MAP2K1: variants seen among roughly 807,000 people sequenced by gnomAD.
The protein encoded by MAP2K1 is dual specificity mitogen-activated protein kinase kinase 1.
MAP2K1 carries 16 observed loss-of-function variants against 46.3 expected under a neutral mutation model. The observed-to-expected ratio is 0.35, with a 90% CI of 0.23 to 0.52. The LOEUF (loss-of-function observed/expected upper bound fraction) is 0.52, where lower values mean the gene tolerates loss of function less well. MAP2K1 is among the 20% of genes least tolerant of loss of function. The pLI is 0.94. For synonymous variants in MAP2K1, 183 were observed against 185.6 expected (o/e 0.99, Z 0.11); for missense variants, 263 against 497.1 (o/e 0.53, Z 4.48).
rs143830560 is a variant in MAP2K1 at position 66,469,723 on chromosome 15, C to CACACACACACACAT, written c.569-12031_569-12030insCACACACACACATA. Among the ~76,000 whole-genome samples the CACACACACACACAT allele has an allele frequency of 7.5e-3, 1,008 of 134,310 alleles. 34 individuals carry two copies. The highest frequency in any genetic ancestry group is 0.011 in the Non-Finnish European group (725 of 63,122). 88.1% of individuals were successfully genotyped at this position (134,310 alleles called of 152,430 possible). On this transcript the variant is annotated intron_variant, in intron 5 of 10. Transcript: ENST00000307102. ...ACACACACACACACACACACACACA[C>CACACACACACACAT]ATATCGGATGTTAGCTTTTAATTAA... is the stretch of plus-strand genomic sequence containing the variant.
chr15:66,426,998 C>G (rs2093460958), intron 1 of MAP2K1, among the ~76,000 whole-genome samples: 2 of 152,160 alleles, frequency 1.3e-5, no homozygotes, highest in South Asian at 2.1e-4. Context: ...TGACGATGAT[C>G]TCATTTTGTT....
intron 1 of MAP2K1, among the ~76,000 whole-genome samples, chr15:66,426,142 CTTTTTT>C (rs57873985): frequency 2.8e-4 from 41 of 145,510 alleles, no homozygotes; most frequent in African/African-American, 8.3e-4. Context: ...AGTGTTTTTT[CTTTTTT>C]TTTTTTTTTT....
At chr15:66,439,478 C>T (rs750765698) in intron 3 of MAP2K1, among the ~76,000 whole-genome samples, 7 of 151,766 alleles carry the variant, frequency 4.6e-5, no homozygotes, top group South Asian at 2.1e-4. Flanking sequence ...TTAAAAATTA[C>T]GAAAATGGCC....
At chr15:66,423,190 G>A (rs1275575683) in intron 1 of MAP2K1, among the ~76,000 whole-genome samples, 2 of 152,098 alleles carry the variant, frequency 1.3e-5, no homozygotes, top group Non-Finnish European at 2.9e-5. Context: ...GTTGACCTCT[G>A]ATGCCACGTT....
intron 1 of MAP2K1, among the ~76,000 whole-genome samples, chr15:66,420,831 GTATA>G (rs1330919375): frequency 9.6e-6 from 1 of 104,154 alleles, no homozygotes; most frequent in Non-Finnish European, 2.0e-5. Flanking sequence ...ATATATATGT[GTATA>G]TATATGTGTG....
intron 5 of MAP2K1, among the ~76,000 whole-genome samples, chr15:66,459,479 A>ATGG (rs1461005000): frequency 6.7e-6 from 1 of 149,262 alleles, no homozygotes; most frequent in Non-Finnish European, 1.5e-5. Context: ...TTAGCCTGGC[A>ATGG]TGGTGGCGGG....
chr15:66,455,899 G>T (rs1206138485), intron 5 of MAP2K1, among the ~76,000 whole-genome samples: 1 of 152,174 alleles, frequency 6.6e-6, no homozygotes, highest in Non-Finnish European at 1.5e-5. Context: ...TGTTCAAAGG[G>T]AGAAACAATC....
intron 5 of MAP2K1, among the ~76,000 whole-genome samples, chr15:66,459,640 T>G (rs916190296): frequency 6.6e-6 from 1 of 151,934 alleles, no homozygotes; most frequent in East Asian, 1.9e-4. Flanking sequence ...AAATTTTTTT[T>G]GTATCCTTTT....
chr15:66,398,086 A>C (rs920866214), intron 1 of MAP2K1, among the ~76,000 whole-genome samples: 1 of 149,832 alleles, frequency 6.7e-6, no homozygotes, highest in Admixed American at 6.7e-5. Context: ...TGGGTGACAG[A>C]GTGAGATTCC....
At chr15:66,426,314 T>C (rs1345407610) in intron 1 of MAP2K1, among the ~76,000 whole-genome samples, 1 of 149,044 alleles carries the variant, frequency 6.7e-6, no homozygotes, top group African/African-American at 2.5e-5. Context: ...ACCCAGGACT[T>C]GCCTGTTCCA....
chr15:66,436,502 C>T (rs2093488394), intron 2 of MAP2K1, among the ~76,000 whole-genome samples: 1 of 152,194 alleles, frequency 6.6e-6, no homozygotes, highest in South Asian at 2.1e-4. Context: ...AGTAAGCCCT[C>T]CCTTAACTTT....
intron 5 of MAP2K1, among the ~76,000 whole-genome samples, chr15:66,458,980 C>T (rs1342624406): frequency 6.6e-6 from 1 of 152,110 alleles, no homozygotes; most frequent in Non-Finnish European, 1.5e-5. Context: ...ACGGGGCTCT[C>T]AGGTCAGAAT....
chr15:66,410,376 G>C (rs959954293), intron 1 of MAP2K1, among the ~76,000 whole-genome samples: 1 of 152,182 alleles, frequency 6.6e-6, no homozygotes, highest in African/African-American at 2.4e-5. Flanking sequence ...GGGGTTAACT[G>C]TGTGGGTTTG....
At chr15:66,454,622 T>C (rs1054253219) in intron 5 of MAP2K1, among the ~76,000 whole-genome samples, 3 of 152,152 alleles carry the variant, frequency 2.0e-5, no homozygotes, top group Non-Finnish European at 4.4e-5. Flanking sequence ...CGGTGGCTCA[T>C]ACCTGTAATC....
intron 5 of MAP2K1, among the ~76,000 whole-genome samples, chr15:66,452,301 AAAG>A (rs1174798028): frequency 4.8e-4 from 11 of 22,698 alleles, no homozygotes; most frequent in Non-Finnish European, 1.1e-3. Flanking sequence ...AAAAAAAAAA[AAAG>A]AAAAAAAAAA....
intron 1 of MAP2K1, among the ~76,000 whole-genome samples, chr15:66,430,164 T>C (rs1401720935): frequency 2.0e-5 from 3 of 152,182 alleles, no homozygotes; most frequent in Non-Finnish European, 4.4e-5. Context: ...TGGTCTCTCT[T>C]ACCTTGGGTC....
At position 66,387,412 on chromosome 15, in the gene MAP2K1, G is replaced by A; in HGVS notation, c.65G>A (p.Gly22Glu). The A allele has an allele frequency of 5.1e-6, 8 of 1,560,806 alleles. No homozygotes were observed. Among genetic ancestry groups the A allele is most frequent in the Non-Finnish European group, 6.9e-6 (8 of 1,151,746 alleles). ...GCCCCCGACGGCTCTGCAGTTAACGGGACCAGCTCTGCGGAGTAAGTATGG... is the reference window on the plus strand; with the variant it reads ...GCCCCCGACGGCTCTGCAGTTAACGAGACCAGCTCTGCGGAGTAAGTATGG... ...NPAPDGSAVN[G>E]TSSAETNLEA... is the part of the protein sequence containing the mutation. The change falls in exon 1 of 11, where the codon GGG (glycine) becomes GAG (glutamate). Residue 22 changes from glycine (G) to glutamate (E), a missense_variant. This residue lies in a region of MAP2K1 where 31 missense variants were observed against 29.9 expected (regional missense o/e 1.04). Transcript: ENST00000307102.
chr15:66,446,556 C>A, intron 5 of MAP2K1: 1 of 182,686 alleles, frequency 5.5e-6, no homozygotes, highest in South Asian at 1.0e-4. Flanking sequence ...TTCTGTGGGC[C>A]CGAGTTACCT....
chr15:66,431,513 G>A (rs78659018), intron 1 of MAP2K1, among the ~76,000 whole-genome samples: 3,511 of 152,034 alleles, frequency 0.023, 93 homozygotes, highest in Admixed American at 0.066. Flanking sequence ...GGATCCTGCC[G>A]TTGCTGCCTT....
Sources: allele counts gnomAD v4.1 joint callset (sites outside exome capture counted in the v4.1 genomes callset), GRCh38; gene constraint gnomAD v4.1.1; regional missense constraint gnomAD v4.1.1; transcripts MANE v1.5; gene names NCBI Gene and HGNC (gene_info 2026-07-23, HGNC 2026-07-21).